NBAS: variants seen among roughly 807,000 people sequenced by gnomAD.
The protein encoded by NBAS is NAG/BC035112 fusion.
In NBAS, 219 loss-of-function variants were observed where a neutral mutation model predicts 302.5. That is an observed-to-expected ratio of 0.72 (90% CI 0.65 to 0.81). The LOEUF is 0.81. NBAS is among the 30% of genes least tolerant of loss of function. NBAS has a pLI of 0.00. For synonymous variants in NBAS, 1,118 were observed against 1,021.6 expected (o/e 1.09, Z -1.80); for missense variants, 2,932 against 2,841.6 (o/e 1.03, Z -0.72).
Position 15,433,109 on chromosome 2 carries a change from T to C in NBAS, c.2340-5315A>G, listed in dbSNP as rs186252808. Among the ~76,000 whole-genome samples the C allele has an allele frequency of 1.2e-3, 187 of 152,316 alleles. 1 individual carries two copies. Among genetic ancestry groups the C allele is most frequent in the Non-Finnish European group, 1.3e-3 (86 of 68,026 alleles). On this transcript the variant is annotated intron_variant, in intron 21 of 51. Coordinates refer to ENST00000281513, the MANE Select transcript of NBAS (RefSeq NM_015909.4). ...ATCTATTTAGTAAATGCCGCAATAC[T>C]GCCTGCTCAAATGAAAATGAGACTA...
chr2:15,383,387 C>G, intron 28 of NBAS, 70 bp from the exon 29 acceptor site: 1 of 1,495,244 alleles, frequency 6.7e-7, no homozygotes, highest in Non-Finnish European at 9.3e-7. Context: ...TTCAAATGAT[C>G]TAAAGTTAAA....
the NBAS span, among the ~76,000 whole-genome samples, chr2:15,017,646 A>G: frequency 6.6e-6 from 1 of 152,132 alleles, no homozygotes; most frequent in Non-Finnish European, 1.5e-5. Flanking sequence ...AATGACTAAT[A>G]TCAAAAAGAC....
the NBAS span, among the ~76,000 whole-genome samples, chr2:14,790,234 C>A: frequency 6.6e-6 from 1 of 152,154 alleles, no homozygotes; most frequent in African/African-American, 2.4e-5. Flanking sequence ...TTAGACAAAT[C>A]ATTACTTTAA....
chr2:15,241,271 A>T (rs1667855449), intron 44 of NBAS, among the ~76,000 whole-genome samples: 1 of 152,228 alleles, frequency 6.6e-6, no homozygotes, highest in Non-Finnish European at 1.5e-5. Context: ...AGCCAAATGT[A>T]TACACTCTTC....
At chr2:15,393,827 G>A (rs1675731600) in intron 28 of NBAS, 1 of 423,344 alleles carries the variant, frequency 2.4e-6, no homozygotes. Flanking sequence ...TAATTATACT[G>A]AGTGAAAGCC....
the NBAS span, among the ~76,000 whole-genome samples, chr2:14,873,451 A>G: frequency 6.6e-6 from 1 of 152,094 alleles, no homozygotes; most frequent in Non-Finnish European, 1.5e-5. Flanking sequence ...TCCTGACCTC[A>G]GGTGATCCAC....
intron 25 of NBAS, among the ~76,000 whole-genome samples, chr2:15,404,370 T>C (rs572904659): frequency 6.6e-6 from 1 of 152,184 alleles, no homozygotes; most frequent in South Asian, 2.1e-4. Flanking sequence ...CCCTGGAAGA[T>C]AAAAACACTG....
chr2:15,333,717 A>C (rs1672451575), intron 35 of NBAS, among the ~76,000 whole-genome samples: 1 of 152,080 alleles, frequency 6.6e-6, no homozygotes, highest in African/African-American at 2.4e-5. Context: ...TAACAAAGAA[A>C]GTTCAAGATC....
chr2:15,309,938 T>C (rs1429690036), intron 38 of NBAS, among the ~76,000 whole-genome samples: 1 of 152,248 alleles, frequency 6.6e-6, no homozygotes, highest in Non-Finnish European at 1.5e-5. Context: ...CCTATTCATT[T>C]AGCATCTCAG....
intron 38 of NBAS, among the ~76,000 whole-genome samples, chr2:15,315,479 C>T (rs948980736): frequency 5.9e-5 from 9 of 152,198 alleles, no homozygotes; most frequent in Non-Finnish European, 8.8e-5. Flanking sequence ...CTGAAAACTG[C>T]GTCAAATGCT....
At chr2:15,104,599 G>C in the NBAS span, among the ~76,000 whole-genome samples, 1 of 151,726 alleles carries the variant, frequency 6.6e-6, no homozygotes, top group Admixed American at 6.6e-5. Flanking sequence ...AGGTATTTCT[G>C]GTTCTAGATC....
rs1680742968 is a variant in NBAS at position 15,488,877 on chromosome 2, A to C, written c.1083+17T>G. 2.5e-6 allele frequency: 4 copies of C among 1,613,380 alleles called. No individual in the cohort carries two copies. Among genetic ancestry groups the C allele is most frequent in the Non-Finnish European group, 3.4e-6 (4 of 1,179,472 alleles). On this transcript the variant is annotated intron_variant, in intron 12 of 51. Transcript: ENST00000281513. ...TCACCCTTAAGAGAGTATCATTCTA[A>C]TAACCAAGAGACGCACCTGCTCATT... is the stretch of plus-strand genomic sequence containing the variant.
the NBAS span, among the ~76,000 whole-genome samples, chr2:14,980,949 G>A: frequency 6.6e-6 from 1 of 152,082 alleles, no homozygotes; most frequent in East Asian, 1.9e-4. Flanking sequence ...GGTAAAGTTG[G>A]GGGATCATTT....
chr2:15,202,508 G>A (rs181875877), intron 48 of NBAS, among the ~76,000 whole-genome samples: 9 of 113,544 alleles, frequency 7.9e-5, no homozygotes, highest in Admixed American at 2.0e-4. Context: ...CTATAAATAC[G>A]TGTGTTTGTT....
At chr2:15,333,167 G>A (rs1160449707) in intron 35 of NBAS, among the ~76,000 whole-genome samples, 1 of 152,198 alleles carries the variant, frequency 6.6e-6, no homozygotes, top group Non-Finnish European at 1.5e-5. Context: ...CGCAGAGAAG[G>A]TAATCTTTCA....
chr2:14,857,611 A>AGATATTCATAT, the NBAS span, among the ~76,000 whole-genome samples: 4 of 152,160 alleles, frequency 2.6e-5, no homozygotes, highest in Non-Finnish European at 5.9e-5. Context: ...TGGGAAAACT[A>AGATATTCATAT]GATATTCATA....
chr2:15,411,761 A>G (rs1676697720), intron 25 of NBAS, among the ~76,000 whole-genome samples: 1 of 152,118 alleles, frequency 6.6e-6, no homozygotes, highest in Non-Finnish European at 1.5e-5. Context: ...TCAAACGCAT[A>G]CTCCAGGATG....
intron 26 of NBAS, among the ~76,000 whole-genome samples, chr2:15,399,621 C>A (rs1676048892): frequency 6.6e-6 from 1 of 151,908 alleles, no homozygotes; most frequent in East Asian, 1.9e-4. Flanking sequence ...CCTTTCCCTA[C>A]ATGAAGAAGG....
intron 6 of NBAS, among the ~76,000 whole-genome samples, chr2:15,549,008 G>A (rs1164962590): frequency 6.6e-6 from 1 of 152,114 alleles, no homozygotes; most frequent in Non-Finnish European, 1.5e-5. Context: ...CCAGTCAATA[G>A]CAAACAACTG....
Sources: allele counts gnomAD v4.1 joint callset (sites outside exome capture counted in the v4.1 genomes callset), GRCh38; gene constraint gnomAD v4.1.1; transcripts MANE v1.5; gene names NCBI Gene and HGNC (gene_info 2026-07-23, HGNC 2026-07-21).